The following VPS54 variants were observed in gnomAD, a reference collection of about 807,000 sequenced individuals.
The protein encoded by VPS54 is VPS54 subunit of GARP complex.
In VPS54, 45 loss-of-function variants were observed where a neutral mutation model predicts 121.5. The ratio of observed to expected loss-of-function variants is 0.37; its 90% confidence interval spans 0.29 to 0.47. The LOEUF (loss-of-function observed/expected upper bound fraction) is 0.47, where lower values mean the gene tolerates loss of function less well. VPS54 is among the 20% of genes least tolerant of loss of function. The pLI is 0.99. For missense variants in VPS54, 1,090 were observed against 1,131.4 expected, an observed-to-expected ratio of 0.96 and a Z score of 0.52; for synonymous variants, 371 against 385.8, an observed-to-expected ratio of 0.96 and a Z score of 0.45.
intron 21 of VPS54, among the ~76,000 whole-genome samples, chr2:63,897,988 C>T (rs1259342941): frequency 6.6e-6 from 1 of 152,100 alleles, no homozygotes; most frequent in African/African-American, 2.4e-5. Context: ...ATTGTTCTTG[C>T]ATGCAATGAC....
At chr2:63,954,010 T>TA (rs544279854) in intron 7 of VPS54, among the ~76,000 whole-genome samples, 1 of 152,108 alleles carries the variant, frequency 6.6e-6, no homozygotes, top group Admixed American at 6.5e-5. Context: ...CAAAGTCACT[T>TA]AAAAAAGAAA....
intron 20 of VPS54, among the ~76,000 whole-genome samples, chr2:63,909,328 G>A (rs1323674564): frequency 1.3e-5 from 2 of 151,774 alleles, no homozygotes; most frequent in Non-Finnish European, 2.9e-5. Context: ...TAAATGAATG[G>A]TGGTTGGAAC....
intron 12 of VPS54, among the ~76,000 whole-genome samples, chr2:63,924,146 G>A (rs927706035): frequency 1.3e-5 from 2 of 152,230 alleles, no homozygotes; most frequent in Non-Finnish European, 2.9e-5. Context: ...AAAACTGTGA[G>A]ACTGCATCCA....
In VPS54 at chr2:63,892,561, T is replaced by G. The variant is rs949992294; in HGVS notation, c.*869A>C. The G allele has an allele frequency of 1.3e-5, 2 of 152,614 alleles. No individual in the cohort carries two copies. The highest frequency in any genetic ancestry group is 4.8e-5 in the African/African-American group (2 of 41,452). 9.5% of individuals were successfully genotyped at this position (152,614 alleles called of 1,614,324 possible). ...TTCATATGTTATCTAAATGTTAATA[T>G]GAGAACTCAAAAGTAGGCAGATTAT... On this transcript the variant is annotated 3_prime_UTR_variant, in exon 23 of 23. Coordinates refer to ENST00000272322, the MANE Select transcript of VPS54 (RefSeq NM_016516.3).
At chr2:63,941,805 G>A (rs373407012) in intron 11 of VPS54, among the ~76,000 whole-genome samples, 23 of 152,042 alleles carry the variant, frequency 1.5e-4, no homozygotes, top group Middle Eastern at 6.8e-3. Flanking sequence ...AGGCAGAGGC[G>A]GGCAGATCAC....
At position 63,950,056 on chromosome 2, in the gene VPS54, G is replaced by A. The variant is rs537830119; in HGVS notation, c.1011-893C>T. ...ATCTTCTGTTAATTCCTCTGTTGTGGTACCTATTAGCTGTTGAATTTCTCC... is the reference window on the plus strand; with the variant it reads ...ATCTTCTGTTAATTCCTCTGTTGTGATACCTATTAGCTGTTGAATTTCTCC... On this transcript the variant is annotated intron_variant, in intron 7 of 22. Coordinates refer to ENST00000272322, the MANE Select transcript of VPS54 (RefSeq NM_016516.3). 1.6e-4 allele frequency among the ~76,000 whole-genome samples: 24 copies of A among 152,208 alleles called. No homozygotes were observed. In the South Asian group the frequency reaches 4.8e-3, roughly 30 times the overall value.
intron 1 of VPS54, among the ~76,000 whole-genome samples, chr2:64,009,768 G>A (rs2104700308): frequency 6.6e-6 from 1 of 152,068 alleles, no homozygotes; most frequent in South Asian, 2.1e-4. Context: ...GAGCTGTGAT[G>A]GCATCACTGC....
intron 6 of VPS54, among the ~76,000 whole-genome samples, chr2:63,965,004 C>T (rs576758081): frequency 7.8e-4 from 118 of 152,184 alleles, no homozygotes; most frequent in African/African-American, 2.8e-3. Flanking sequence ...CATTGTAAAA[C>T]GTAAAGAACT....
chr2:63,922,630 G>T lies in VPS54; in HGVS notation c.1740-1295C>A, dbSNP rs958867346. On this transcript the variant is annotated intron_variant, in intron 12 of 22. Transcript: ENST00000272322. The stretch of plus-strand genomic sequence containing the variant: ...AGAAAGTTAAAGTGACCTATCCAAG[G>T]TTAGAATATTAAGAGAGTAGAACTA... 1.3e-4 allele frequency among the ~76,000 whole-genome samples: 20 copies of T among 152,232 alleles called. No homozygotes were observed. In the East Asian group the frequency reaches 3.7e-3, roughly 28 times the overall value.
chr2:63,921,296 T>C lies in VPS54; in HGVS notation c.1779A>G (p.Gly593=). ...EDMKLTDSEL[G]KLANNIQELL... is the part of the protein sequence containing the mutation. ...ATTCCTGGATATTATTTGCCAGCTT[T>C]CCTAGCTCTGAGTCAGTTAATTTCA... Residue 593 remains glycine (G), a synonymous_variant, in exon 13 of 23, where the codon GGA becomes GGG. Coordinates refer to ENST00000272322, the MANE Select transcript of VPS54 (RefSeq NM_016516.3). The C allele has an allele frequency of 1.2e-6, 2 of 1,613,158 alleles. No homozygotes were observed. The highest frequency in any genetic ancestry group is 1.7e-6 in the Non-Finnish European group (2 of 1,179,472).
intron 3 of VPS54, among the ~76,000 whole-genome samples, chr2:63,981,380 T>C (rs1253131267): frequency 6.6e-6 from 1 of 152,154 alleles, no homozygotes; most frequent in African/African-American, 2.4e-5. Context: ...CAGAATCATT[T>C]TCTCCTTGGT....
chr2:64,013,972 C>A (rs1420378912), intron 1 of VPS54, among the ~76,000 whole-genome samples: 1 of 151,996 alleles, frequency 6.6e-6, no homozygotes, highest in African/African-American at 2.4e-5. Context: ...GCAGGTAGAT[C>A]ACAAGGTCAG....
At chr2:63,971,479 A>G (rs950190518) in intron 4 of VPS54, among the ~76,000 whole-genome samples, 1 of 152,216 alleles carries the variant, frequency 6.6e-6, no homozygotes, top group African/African-American at 2.4e-5. Context: ...CTCCCAGTAG[A>G]ACCAATATAT....
chr2:63,896,825 T>C (rs1026806631), intron 22 of VPS54, among the ~76,000 whole-genome samples: 19 of 151,160 alleles, frequency 1.3e-4, no homozygotes, highest in African/African-American at 4.3e-4. Flanking sequence ...CTCTTCCCCA[T>C]ATCTTTATCT....
At chr2:63,974,398 T>C (rs1575976940) in intron 3 of VPS54, among the ~76,000 whole-genome samples, 1 of 152,336 alleles carries the variant, frequency 6.6e-6, no homozygotes, top group Non-Finnish European at 1.5e-5. Context: ...TCCAGCTTTG[T>C]TCCTCTTTTA....
intron 13 of VPS54, among the ~76,000 whole-genome samples, chr2:63,920,918 A>G (rs928917847): frequency 6.6e-6 from 1 of 152,104 alleles, no homozygotes; most frequent in African/African-American, 2.4e-5. Flanking sequence ...ATACATATAT[A>G]GACTTACTAT....
chr2:63,929,721 A>T (rs1269102458), intron 12 of VPS54, among the ~76,000 whole-genome samples: 1 of 151,084 alleles, frequency 6.6e-6, no homozygotes, highest in Non-Finnish European at 1.5e-5. Flanking sequence ...AAAAAAAATC[A>T]ATGAATCCAG....
At chr2:63,994,767 T>C (rs1352470357) in intron 1 of VPS54, among the ~76,000 whole-genome samples, 1 of 152,168 alleles carries the variant, frequency 6.6e-6, no homozygotes, top group African/African-American at 2.4e-5. Flanking sequence ...CCCTAAAAAT[T>C]TTGAGGGCCC....
intron 1 of VPS54, among the ~76,000 whole-genome samples, chr2:64,014,799 T>G (rs896589050): frequency 1.7e-4 from 26 of 152,176 alleles, no homozygotes; most frequent in Non-Finnish European, 2.9e-5. Context: ...ACCCCTATTT[T>G]ATAGATGAGA....
Sources: allele counts gnomAD v4.1 joint callset (sites outside exome capture counted in the v4.1 genomes callset), GRCh38; gene constraint gnomAD v4.1.1; transcripts MANE v1.5; gene names NCBI Gene and HGNC (gene_info 2026-07-23, HGNC 2026-07-21).